NUP160: variants seen among roughly 807,000 people sequenced by gnomAD.
NUP160 encodes nuclear pore complex protein Nup160.
In NUP160, 94 loss-of-function variants were observed where a neutral mutation model predicts 196.9. The ratio of observed to expected loss-of-function variants is 0.48; its 90% CI spans 0.40 to 0.57. The LOEUF is 0.57. NUP160 is among the 20% of genes least tolerant of loss of function. The pLI is 0.00. For synonymous variants in NUP160, 605 were observed against 619.7 expected (o/e 0.98, Z 0.35); for missense variants, 1,638 against 1,748.3 (o/e 0.94, Z 1.13).
intron 7 of NUP160, among the ~76,000 whole-genome samples, chr11:47,827,869 A>G (rs368281367): frequency 6.6e-6 from 1 of 152,174 alleles, no homozygotes; most frequent in East Asian, 1.9e-4. Context: ...GAAAGGAAGT[A>G]ATAAAACTAA....
At chr11:47,835,852 C>A (rs1291600708) in intron 6 of NUP160, 43 bp from the exon 7 acceptor site, 1 of 1,462,194 alleles carries the variant, frequency 6.8e-7, no homozygotes, top group South Asian at 1.4e-5. Context: ...AAGGGATATT[C>A]AGGCTAGAAG....
chr11:47,806,822 C>T (rs1384143658), intron 19 of NUP160, among the ~76,000 whole-genome samples: 18 of 148,270 alleles, frequency 1.2e-4, no homozygotes, highest in African/African-American at 4.0e-4. Context: ...CACACACACA[C>T]ACACACACAC....
intron 7 of NUP160, among the ~76,000 whole-genome samples, chr11:47,834,673 C>T (rs1852140353): frequency 6.6e-6 from 1 of 152,068 alleles, no homozygotes; most frequent in Non-Finnish European, 1.5e-5. Context: ...TTGAAGAGAA[C>T]ATCGGTGCAG....
intron 2 of NUP160, among the ~76,000 whole-genome samples, chr11:47,845,973 A>G (rs1852393697): frequency 6.6e-6 from 1 of 152,084 alleles, no homozygotes; most frequent in Non-Finnish European, 1.5e-5. Flanking sequence ...TCTCTACAAA[A>G]ACAAATAGAA....
At chr11:47,837,678 G>C in intron 4 of NUP160, 55 bp from the exon 5 acceptor site, 1 of 1,332,684 alleles carries the variant, frequency 7.5e-7, no homozygotes, top group Non-Finnish European at 1.1e-6. Context: ...CCAAAGGCAA[G>C]AATGATGTAA....
At chr11:47,792,810 A>G (rs1306533510) in exon 28 of NUP160, 1 of 1,613,438 alleles carries the variant, frequency 6.2e-7, no homozygotes, top group East Asian at 2.2e-5. Context: ...CTGGCTGCAC[A>G]ATCCACGCAT....
At chr11:47,834,962 C>T (rs749696964) in intron 7 of NUP160, among the ~76,000 whole-genome samples, 36 of 151,778 alleles carry the variant, frequency 2.4e-4, no homozygotes, top group Non-Finnish European at 4.0e-4. Context: ...AAGGAGGGCA[C>T]CCACATTGGA....
intron 27 of NUP160, 38 bp downstream of exon 27, chr11:47,797,741 A>G (rs1406349175): frequency 7.1e-7 from 1 of 1,399,858 alleles, no homozygotes; most frequent in Non-Finnish European, 1.0e-6. Context: ...TAAACTAATA[A>G]GGCTGTCTGC....
chr11:47,824,045 A>ATATATATATATATATATATATG, intron 7 of NUP160, among the ~76,000 whole-genome samples: 1 of 98,342 alleles, frequency 1.0e-5, no homozygotes, highest in East Asian at 3.0e-4. Context: ...ATATATATAT[A>ATATATATATATATATATATATG]TATATATACA....
At chr11:47,805,262 T>C (rs776008093) in intron 20 of NUP160, among the ~76,000 whole-genome samples, 9 of 151,926 alleles carry the variant, frequency 5.9e-5, no homozygotes, top group Non-Finnish European at 1.3e-4. Context: ...CCTGAGTAGC[T>C]GGGACTACAG....
chr11:47,839,600 C>T (rs912602125), intron 4 of NUP160: 4 of 483,430 alleles, frequency 8.3e-6, no homozygotes, highest in Admixed American at 7.1e-5. Flanking sequence ...CCCATCTCTA[C>T]TACAAGATTT....
chr11:47,833,485 A>C (rs1228801178), intron 7 of NUP160, among the ~76,000 whole-genome samples: 3 of 151,774 alleles, frequency 2.0e-5, no homozygotes, highest in African/African-American at 7.3e-5. Context: ...GAATAAAGTG[A>C]ACCTGTCATT....
intron 23 of NUP160, among the ~76,000 whole-genome samples, chr11:47,800,061 C>T (rs1399201511): frequency 1.3e-5 from 2 of 151,954 alleles, no homozygotes; most frequent in African/African-American, 4.8e-5. Context: ...CGAGACCAGC[C>T]TGGCCAACAT....
chr11:47,785,093 T>A, intron 32 of NUP160, 30 bp from the exon 33 acceptor site: 1 of 1,182,558 alleles, frequency 8.5e-7, no homozygotes, highest in Non-Finnish European at 1.2e-6. Context: ...ACTAATGAGT[T>A]TCAGATTCTT....
At chr11:47,789,732 A>G (rs2097666817) in intron 29 of NUP160, among the ~76,000 whole-genome samples, 2 of 151,860 alleles carry the variant, frequency 1.3e-5, no homozygotes, top group South Asian at 4.1e-4. Context: ...ATGTAACTGT[A>G]TATGTTACAA....
chr11:47,806,150 T>C lies in NUP160; in HGVS notation c.2606+3A>G. 1 of 1,613,818 alleles carries C rather than the reference T, an allele frequency of 6.2e-7. No individual in the cohort carries two copies. ...TTTCACTGGCTTCTAAATAAAAGGA[T>C]ACAAAAGCTGCAATAAATAACTGGT... is the stretch of plus-strand genomic sequence containing the variant. On this transcript the variant is annotated splice_donor_region_variant and intron_variant, in intron 20 of 35. Coordinates refer to ENST00000378460, the Ensembl canonical transcript of NUP160.
At chr11:47,821,865 A>T (rs1158256619) in intron 8 of NUP160, 44 bp from the exon 9 acceptor site, 1 of 1,465,820 alleles carries the variant, frequency 6.8e-7, no homozygotes, top group Non-Finnish European at 9.6e-7. Context: ...TAAGAAAGAA[A>T]GTAGTAGTTC....
chr11:47,785,988 G>A (rs2097664277), intron 32 of NUP160, among the ~76,000 whole-genome samples: 2 of 152,210 alleles, frequency 1.3e-5, no homozygotes, highest in South Asian at 2.1e-4. Flanking sequence ...TGGGTGCACT[G>A]GGGAAGTATA....
exon 32 of NUP160, chr11:47,786,519 T>C (rs778911613): frequency 6.2e-7 from 1 of 1,614,020 alleles, no homozygotes; most frequent in East Asian, 2.2e-5. Context: ...GGCTTCTGCT[T>C]GTGCTGCCTC....
Sources: gnomAD v4.1 joint callset for allele counts (sites outside exome capture counted in the v4.1 genomes callset) on GRCh38, gnomAD v4.1.1 for gene constraint, MANE v1.5 for transcripts, NCBI Gene and HGNC (gene_info 2026-07-23, HGNC 2026-07-21) for gene names.